CNTNAP5: variants seen among roughly 807,000 people sequenced by gnomAD.
The protein encoded by CNTNAP5 is contactin associated protein family member 5.
A neutral mutation model predicts 150.2 loss-of-function variants in CNTNAP5; 72 were observed. The observed-to-expected ratio is 0.48, with a 90% CI of 0.40 to 0.58. CNTNAP5 has a LOEUF of 0.58. Among genes scored for constraint, CNTNAP5 ranks in the 20% least tolerant of loss-of-function variants. CNTNAP5 has a pLI of 0.00. For synonymous variants in CNTNAP5, 672 were observed against 619.8 expected, an observed-to-expected ratio of 1.08 and a Z score of -1.25; for missense variants, 1,636 against 1,626.2, an observed-to-expected ratio of 1.01 and a Z score of -0.10.
At chr2:124,778,795 C>G (rs760623457) in intron 17 of CNTNAP5, among the ~76,000 whole-genome samples, 1 of 151,556 alleles carries the variant, frequency 6.6e-6, no homozygotes, top group Non-Finnish European at 1.5e-5. Flanking sequence ...ATGTAGTGTC[C>G]GACTCACATT....
At chr2:124,876,715 G>A (rs1486137147) in intron 21 of CNTNAP5, among the ~76,000 whole-genome samples, 1 of 151,746 alleles carries the variant, frequency 6.6e-6, no homozygotes, top group African/African-American at 2.4e-5. Context: ...TTTTGTTTAT[G>A]GTCATACATA....
intron 12 of CNTNAP5, among the ~76,000 whole-genome samples, chr2:124,635,656 G>A (rs1490122469): frequency 5.3e-5 from 8 of 152,200 alleles, no homozygotes; most frequent in African/African-American, 1.9e-4. Context: ...CAGAAAGCCT[G>A]CTTGCTCTTG....
At chr2:124,140,625 G>A (rs1368276287) in intron 1 of CNTNAP5, among the ~76,000 whole-genome samples, 56 of 105,848 alleles carry the variant, frequency 5.3e-4, no homozygotes, top group Non-Finnish European at 8.6e-4. Flanking sequence ...CATCTACACC[G>A]AAAACCTATC....
At chr2:124,207,836 G>A (rs1441436048) in intron 1 of CNTNAP5, among the ~76,000 whole-genome samples, 1 of 152,176 alleles carries the variant, frequency 6.6e-6, no homozygotes, top group Non-Finnish European at 1.5e-5. Context: ...GAACTCATCT[G>A]ACCGTGACAG....
At chr2:124,713,287 TTCTTTC>T (rs1679860097) in intron 13 of CNTNAP5, among the ~76,000 whole-genome samples, 1 of 128,290 alleles carries the variant, frequency 7.8e-6, no homozygotes, top group African/African-American at 2.7e-5. Context: ...CTTTCTTTCT[TTCTTTC>T]TTTCTTTCTT....
chr2:124,456,486 A>C (rs1474066965), intron 6 of CNTNAP5, among the ~76,000 whole-genome samples: 1 of 152,184 alleles, frequency 6.6e-6, no homozygotes, highest in African/African-American at 2.4e-5. Context: ...GAAAATGACC[A>C]TAATTGCCAA....
At chr2:124,444,741 C>T (rs1053329989) in intron 5 of CNTNAP5, among the ~76,000 whole-genome samples, 9 of 152,292 alleles carry the variant, frequency 5.9e-5, no homozygotes, top group Non-Finnish European at 7.4e-5. Context: ...TCCAGGCCGA[C>T]GAGCTCCTGG....
chr2:124,716,582 C>T (rs1679949192), intron 13 of CNTNAP5, among the ~76,000 whole-genome samples: 1 of 150,620 alleles, frequency 6.6e-6, no homozygotes, highest in South Asian at 2.1e-4. Context: ...ACACTGTAAA[C>T]AATATAAGGG....
chr2:124,315,241 C>T (rs1020427905), intron 3 of CNTNAP5, among the ~76,000 whole-genome samples: 5 of 152,170 alleles, frequency 3.3e-5, no homozygotes, highest in African/African-American at 1.2e-4. Flanking sequence ...GGTTACAGGG[C>T]ATGAGCCACC....
At chr2:124,418,427 C>T (rs554038647) in intron 4 of CNTNAP5, among the ~76,000 whole-genome samples, 2 of 152,234 alleles carry the variant, frequency 1.3e-5, no homozygotes, top group South Asian at 2.1e-4. Context: ...AACTGAATGC[C>T]TGTATCAGAA....
At chr2:124,087,207 A>G (rs976782676) in intron 1 of CNTNAP5, among the ~76,000 whole-genome samples, 2 of 151,892 alleles carry the variant, frequency 1.3e-5, no homozygotes, top group South Asian at 2.1e-4. Flanking sequence ...TGTCCCAAAC[A>G]TAATTTAGAA....
rs187513518 is a variant in CNTNAP5 at position 124,214,390 on chromosome 2, T to C, written c.83-7315T>C. Among the ~76,000 whole-genome samples the C allele has an allele frequency of 4.1e-4, 62 of 152,308 alleles. No homozygotes were observed. The East Asian group carries it at 8.7e-3, about 21-fold the overall frequency. ...CCCCCTCTTCTGGGTGTTCCCGCAGTCTGCTCTGGCCCCATCACCAGTCAC... is the reference window on the plus strand; with the variant it reads ...CCCCCTCTTCTGGGTGTTCCCGCAGCCTGCTCTGGCCCCATCACCAGTCAC... On this transcript the variant is annotated intron_variant, in intron 1 of 23. Transcript: ENST00000682447.
At chr2:124,166,780 C>T (rs1196135155) in intron 1 of CNTNAP5, among the ~76,000 whole-genome samples, 1 of 152,128 alleles carries the variant, frequency 6.6e-6, no homozygotes, top group Non-Finnish European at 1.5e-5. Context: ...CAAAGACTAA[C>T]ATGTCATTGG....
At chr2:124,457,111 C>T (rs908433347) in intron 6 of CNTNAP5, among the ~76,000 whole-genome samples, 1 of 152,168 alleles carries the variant, frequency 6.6e-6, no homozygotes, top group South Asian at 2.1e-4. Context: ...AAGGAACAGT[C>T]AACAGAGTAA....
At chr2:124,135,513 A>T (rs991876424) in intron 1 of CNTNAP5, among the ~76,000 whole-genome samples, 8 of 152,228 alleles carry the variant, frequency 5.3e-5, no homozygotes, top group African/African-American at 1.9e-4. Flanking sequence ...ACTAGGAAAA[A>T]AAAATTAGAA....
At chr2:124,196,843 C>T (rs1454972535) in intron 1 of CNTNAP5, among the ~76,000 whole-genome samples, 1 of 152,184 alleles carries the variant, frequency 6.6e-6, no homozygotes, top group African/African-American at 2.4e-5. Context: ...GTCCCCAAGC[C>T]CTGGGGACCA....
chr2:124,675,997 T>C (rs1257987708), intron 13 of CNTNAP5, among the ~76,000 whole-genome samples: 1 of 152,100 alleles, frequency 6.6e-6, no homozygotes, highest in African/African-American at 2.4e-5. Context: ...CAGATACAGG[T>C]TTGTTTTCTG....
rs1281809130 is a variant in CNTNAP5 at position 124,902,917 on chromosome 2, A to G, written c.3472A>G (p.Asn1158Asp). 3.7e-6 allele frequency: 6 copies of G among 1,611,620 alleles called. No homozygotes were observed. The African/African-American group carries it at 8.0e-5, about 22-fold the overall frequency. Residue 1158 changes from asparagine to aspartate, a missense_variant, in exon 22 of 24, where the codon AAT becomes GAT. Coordinates refer to ENST00000682447, the MANE Select transcript of CNTNAP5 (RefSeq NM_001367498.1). ...TTTGGATTCTGAAGTTGCTAAAGCA[A>G]ATGCCATGGGTTTTGCTGGATGCAT... ...LGLDSEVAKA[N>D]AMGFAGCMSS...
chr2:124,340,807 A>ATG lies in CNTNAP5; in HGVS notation c.382-76634_382-76633dup, dbSNP rs889204207. Among the ~76,000 whole-genome samples, 7 of 100,484 alleles carry ATG rather than the reference A, an allele frequency of 7.0e-5. No individual in the cohort carries two copies. The East Asian group carries it at 7.0e-4, about 10-fold the overall frequency. 65.9% of individuals were successfully genotyped at this position (100,484 alleles called of 152,430 possible). On this transcript the variant is annotated intron_variant, in intron 3 of 23. Coordinates refer to ENST00000682447, the MANE Select transcript of CNTNAP5 (RefSeq NM_001367498.1). ...TACACATACATATATATATGTATAC[A>ATG]TGTATATATATATATATATATGCGT...
Sources: gnomAD v4.1 joint callset for allele counts (sites outside exome capture counted in the v4.1 genomes callset) on GRCh38, gnomAD v4.1.1 for gene constraint, MANE v1.5 for transcripts, NCBI Gene and HGNC (gene_info 2026-07-23, HGNC 2026-07-21) for gene names.